ROBO2: variants seen among roughly 807,000 people sequenced by gnomAD.
The protein encoded by ROBO2 is roundabout homolog 2.
In ROBO2, 53 loss-of-function variants were observed where a neutral mutation model predicts 160.8. That is an observed-to-expected ratio of 0.33 (90% CI 0.26 to 0.41). The LOEUF (loss-of-function observed/expected upper bound fraction) is 0.41, where lower values mean the gene tolerates loss of function less well. ROBO2 is among the 10% of genes least tolerant of loss of function. ROBO2 has a pLI of 1.00. For synonymous variants in ROBO2, 664 were observed against 611.7 expected, an observed-to-expected ratio of 1.09 and a Z score of -1.26; for missense variants, 1,577 against 1,722.4, an observed-to-expected ratio of 0.92 and a Z score of 1.49.
chr3:76,658,113 T>TA (rs1368252343), intron 2 of ROBO2, among the ~76,000 whole-genome samples: 4 of 129,612 alleles, frequency 3.1e-5, no homozygotes, highest in African/African-American at 8.2e-5. Context: ...AATAAATAAA[T>TA]AAAATATGTT....
chr3:77,326,958 A>C (rs774575933), intron 2 of ROBO2, among the ~76,000 whole-genome samples: 36 of 152,252 alleles, frequency 2.4e-4, no homozygotes, highest in Non-Finnish European at 4.4e-4. Context: ...AAGAACCAAC[A>C]TTTAACCTTT....
intron 2 of ROBO2, among the ~76,000 whole-genome samples, chr3:77,146,138 T>G (rs1200150122): frequency 6.6e-6 from 1 of 152,230 alleles, no homozygotes; most frequent in African/African-American, 2.4e-5. Context: ...TGTCTGGGCT[T>G]GTCGTCTTCT....
chr3:76,222,819 A>C (rs1311309026), intron 2 of ROBO2, among the ~76,000 whole-genome samples: 1 of 151,210 alleles, frequency 6.6e-6, no homozygotes, highest in Admixed American at 6.6e-5. Context: ...CAGTGGCATG[A>C]TCTGGGCTCA....
intron 2 of ROBO2, among the ~76,000 whole-genome samples, chr3:77,248,467 T>C (rs1272043661): frequency 6.6e-6 from 1 of 152,130 alleles, no homozygotes; most frequent in Non-Finnish European, 1.5e-5. Context: ...ACTGAAGCCA[T>C]CTGCAGATGG....
intron 2 of ROBO2, among the ~76,000 whole-genome samples, chr3:76,552,297 C>G (rs959176702): frequency 1.3e-5 from 2 of 152,152 alleles, no homozygotes; most frequent in African/African-American, 4.8e-5. Context: ...ACCAATCCCC[C>G]ACAGATACTG....
intron 9 of ROBO2, among the ~76,000 whole-genome samples, chr3:77,559,965 A>G (rs769295040): frequency 5.9e-5 from 9 of 152,146 alleles, no homozygotes; most frequent in Non-Finnish European, 1.2e-4. Context: ...ACAAAATGGA[A>G]GTTATTAAAA....
chr3:77,352,501 C>T (rs1227112376), intron 2 of ROBO2, among the ~76,000 whole-genome samples: 1 of 151,990 alleles, frequency 6.6e-6, no homozygotes, highest in Admixed American at 6.6e-5. Flanking sequence ...TCAATGACAT[C>T]CTGATGGGAG....
At chr3:77,325,277 G>A (rs71322792) in intron 2 of ROBO2, among the ~76,000 whole-genome samples, 14,213 of 152,186 alleles carry the variant, frequency 0.093, 906 homozygotes, top group East Asian at 0.34. Flanking sequence ...CTCAGTGACT[G>A]AAGAAGTCAA....
At chr3:76,105,813 T>A (rs1224092945) in intron 2 of ROBO2, among the ~76,000 whole-genome samples, 1 of 151,812 alleles carries the variant, frequency 6.6e-6, no homozygotes, top group African/African-American at 2.4e-5. Flanking sequence ...GGAGAAGGAA[T>A]ATGGATCAAA....
chr3:77,279,258 A>AT (rs1331549544), intron 2 of ROBO2, among the ~76,000 whole-genome samples: 1 of 151,994 alleles, frequency 6.6e-6, no homozygotes, highest in African/African-American at 2.4e-5. Flanking sequence ...ATGACCATAA[A>AT]TTTTTTTAAC....
At chr3:76,383,970 C>T (rs2076759728) in intron 2 of ROBO2, among the ~76,000 whole-genome samples, 2 of 152,314 alleles carry the variant, frequency 1.3e-5, no homozygotes, top group Non-Finnish European at 2.9e-5. Flanking sequence ...TGCAGCGGAA[C>T]TGGCAGATGT....
rs1560252150 is a variant in ROBO2, at chr3:76,622,241, A to AGAAAGAAAGAAAGAAAGAAAGAAG, written c.110-475750_110-475749insGGAAAGAAAGAAAGAAAGAAAGAA. ...AAGGAAGGAAGGAAGGAAGGAAGAA[A>AGAAAGAAAGAAAGAAAGAAAGAAG]GAAAGAAAGAAAGAAAGAAAGAAAG... is the stretch of plus-strand genomic sequence containing the variant. On this transcript the variant is annotated intron_variant, in intron 2 of 26. Coordinates refer to the ROBO2 transcript ENST00000487694. Among the ~76,000 whole-genome samples, 246 of 37,430 alleles carry AGAAAGAAAGAAAGAAAGAAAGAAG rather than the reference A, an allele frequency of 6.6e-3. 15 individuals are homozygous for AGAAAGAAAGAAAGAAAGAAAGAAG. Among genetic ancestry groups the AGAAAGAAAGAAAGAAAGAAAGAAG allele is most frequent in the South Asian group, 0.013 (9 of 686 alleles). 24.6% of individuals were successfully genotyped at this position (37,430 alleles called of 152,430 possible).
intron 2 of ROBO2, among the ~76,000 whole-genome samples, chr3:76,734,517 G>T (rs1377004645): frequency 6.6e-6 from 1 of 152,168 alleles, no homozygotes; most frequent in East Asian, 1.9e-4. Context: ...TTTTTGGAAA[G>T]CTGACTCTTT....
chr3:76,104,648 AT>A (rs67376551), intron 2 of ROBO2, among the ~76,000 whole-genome samples: 26,558 of 152,176 alleles, frequency 0.17, 2,749 homozygotes, highest in African/African-American at 0.29. Flanking sequence ...TAAATGATGA[AT>A]TATGTAAGTG....
intron 2 of ROBO2, among the ~76,000 whole-genome samples, chr3:77,408,750 T>C (rs1262965656): frequency 3.9e-5 from 6 of 152,118 alleles, no homozygotes; most frequent in Admixed American, 6.6e-5. Flanking sequence ...AGACAGGGTT[T>C]CACTCTGTGG....
At chr3:76,971,213 G>A (rs2149282032) in intron 2 of ROBO2, among the ~76,000 whole-genome samples, 1 of 152,206 alleles carries the variant, frequency 6.6e-6, no homozygotes, top group Admixed American at 6.6e-5. Context: ...ATAATCTACT[G>A]TAATTAATTG....
intron 2 of ROBO2, among the ~76,000 whole-genome samples, chr3:76,893,523 C>A (rs891568882): frequency 6.6e-6 from 1 of 150,908 alleles, no homozygotes; most frequent in Non-Finnish European, 1.5e-5. Flanking sequence ...GTTCATTTTT[C>A]TTTTTTCTTT....
At chr3:76,250,825 A>T (rs1347055697) in intron 2 of ROBO2, among the ~76,000 whole-genome samples, 1 of 152,084 alleles carries the variant, frequency 6.6e-6, no homozygotes, top group Non-Finnish European at 1.5e-5. Flanking sequence ...TCTTTTCAGC[A>T]TATTCCCCGA....
chr3:76,064,283 G>T (rs1331368445), intron 2 of ROBO2, among the ~76,000 whole-genome samples: 1 of 152,178 alleles, frequency 6.6e-6, no homozygotes, highest in Non-Finnish European at 1.5e-5. Flanking sequence ...GCAGCAGGGG[G>T]AAACTGACAC....
Sources: allele counts gnomAD v4.1 joint callset (sites outside exome capture counted in the v4.1 genomes callset), GRCh38; gene constraint gnomAD v4.1.1; transcripts MANE v1.5; gene names NCBI Gene and HGNC (gene_info 2026-07-23, HGNC 2026-07-21).